The following SAFB variants were observed in gnomAD, a reference collection of about 807,000 sequenced individuals.
SAFB encodes the protein scaffold attachment factor B, also known as scaffold attachment factor B1.
In SAFB, 15 loss-of-function variants were observed where a neutral mutation model predicts 101.6. That is an observed-to-expected ratio of 0.15 (90% CI 0.10 to 0.23). The LOEUF is 0.23. Among genes scored for constraint, SAFB ranks in the 10% least tolerant of loss-of-function variants. The pLI, the probability that SAFB is intolerant of heterozygous loss-of-function variation, is 1.00. For missense variants in SAFB, 930 were observed against 1,104.1 expected, an observed-to-expected ratio of 0.84 and a Z score of 2.23; for synonymous variants, 449 against 407.5, an observed-to-expected ratio of 1.10 and a Z score of -1.23.
chr19:5,630,126 A>G (rs2053457596), intron 2 of SAFB, among the ~76,000 whole-genome samples: 1 of 152,222 alleles, frequency 6.6e-6, no homozygotes, highest in Non-Finnish European at 1.5e-5. Flanking sequence ...ACTCAACATC[A>G]AACTTACCTT....
At chr19:5,661,911 G>A in intron 15 of SAFB, 103 bp downstream of exon 15, 1 of 863,528 alleles carries the variant, frequency 1.2e-6, no homozygotes, top group South Asian at 1.8e-5. Flanking sequence ...TTGAGACGGA[G>A]TCTTGCTTTG....
At chr19:5,634,098 T>C (rs1158609756) in intron 2 of SAFB, among the ~76,000 whole-genome samples, 1 of 152,124 alleles carries the variant, frequency 6.6e-6, no homozygotes, top group Non-Finnish European at 1.5e-5. Flanking sequence ...GAAATGTACA[T>C]AACATTCTTA....
intron 2 of SAFB, among the ~76,000 whole-genome samples, chr19:5,632,282 T>TA (rs534226056): frequency 6.6e-6 from 1 of 152,324 alleles, no homozygotes; most frequent in South Asian, 2.1e-4. Flanking sequence ...GGAATTCCCA[T>TA]ATACCCTTTA....
chr19:5,644,990 C>T (rs1236717091), intron 4 of SAFB, among the ~76,000 whole-genome samples: 4 of 152,222 alleles, frequency 2.6e-5, no homozygotes, highest in Non-Finnish European at 4.4e-5. Flanking sequence ...AGCCATTGCT[C>T]CTGGAAGAAC....
At chr19:5,651,142 T>C in intron 9 of SAFB, 70 bp downstream of exon 9, 1 of 952,014 alleles carries the variant, frequency 1.1e-6, no homozygotes, top group Non-Finnish European at 1.6e-6. Context: ...ATGGAGGTCC[T>C]CTCCCCTCAG....
intron 2 of SAFB, among the ~76,000 whole-genome samples, chr19:5,634,041 A>G (rs2053545551): frequency 6.6e-6 from 1 of 152,150 alleles, no homozygotes; most frequent in Admixed American, 6.5e-5. Flanking sequence ...GGTGACAGTT[A>G]TATCATTAGT....
rs374762064 is a variant in SAFB at position 5,654,084 on chromosome 19, A to C, written c.1550A>C (p.Asp517Ala). 1 of 1,614,064 alleles carries C rather than the reference A, an allele frequency of 6.2e-7. No homozygotes were observed. The highest frequency in any genetic ancestry group is 1.3e-5 in the African/African-American group (1 of 74,932). ...SDRSTNLKRD[D>A]KCDRKDDAKK... ...AGATCTACAAACCTTAAGAGGGATG[A>C]TAAATGTGACAGAAAAGATGATGCT... Residue 517 changes from aspartate to alanine, a missense_variant, in exon 12 of 21, where the codon GAT becomes GCT. Physicochemically the swap from Asp to Ala is moderately radical, Grantham distance 126. Coordinates refer to ENST00000588852, the MANE Select transcript of SAFB (RefSeq NM_001201338.2).
At chr19:5,651,613 C>G (rs924636658) in intron 9 of SAFB, among the ~76,000 whole-genome samples, 38 of 152,190 alleles carry the variant, frequency 2.5e-4, no homozygotes, top group African/African-American at 8.7e-4. Flanking sequence ...ACCTGCCTTT[C>G]CTGAGCCCGT....
chr19:5,637,356 A>AG (rs1380247681), intron 2 of SAFB, among the ~76,000 whole-genome samples: 1 of 151,060 alleles, frequency 6.6e-6, no homozygotes, highest in African/African-American at 2.4e-5. Flanking sequence ...AAAAAAAAAA[A>AG]AAAAATTGAT....
intron 11 of SAFB, 34 bp downstream of exon 11, chr19:5,653,454 G>A (rs763091082): frequency 6.3e-7 from 1 of 1,593,584 alleles, no homozygotes; most frequent in Admixed American, 1.7e-5. Flanking sequence ...TAAAGGGGCA[G>A]GGTGTTTTTT....
At chr19:5,656,931 C>T (rs1266983630) in intron 13 of SAFB, among the ~76,000 whole-genome samples, 2 of 151,986 alleles carry the variant, frequency 1.3e-5, no homozygotes, top group Non-Finnish European at 2.9e-5. Context: ...CCACTATGCC[C>T]GGCTAATTTT....
intron 1 of SAFB, among the ~76,000 whole-genome samples, chr19:5,623,691 C>T (rs560927484): frequency 1.2e-4 from 19 of 152,178 alleles, no homozygotes; most frequent in Admixed American, 5.9e-4. Flanking sequence ...CTCGTCTCGT[C>T]CCCTCCTCCG....
chr19:5,645,278 A>G (rs555880346), intron 4 of SAFB, 59 bp from the exon 5 acceptor site: 1 of 767,174 alleles, frequency 1.3e-6, no homozygotes, highest in African/African-American at 1.7e-5. Flanking sequence ...GTACAGATGT[A>G]CCATTATGTT....
chr19:5,630,653 G>T (rs1320117504), intron 2 of SAFB, among the ~76,000 whole-genome samples: 1 of 151,690 alleles, frequency 6.6e-6, no homozygotes, highest in African/African-American at 2.4e-5. Flanking sequence ...CTACTTGAGA[G>T]GCTGAGGCAG....
At chr19:5,662,741 A>G (rs2054243366) in intron 15 of SAFB, among the ~76,000 whole-genome samples, 1 of 150,220 alleles carries the variant, frequency 6.7e-6, no homozygotes, top group African/African-American at 2.5e-5. Context: ...CCTGGGTTCA[A>G]GCGATTCTCC....
At chr19:5,639,387 C>G (rs2053657987) in intron 2 of SAFB, among the ~76,000 whole-genome samples, 1 of 152,116 alleles carries the variant, frequency 6.6e-6, no homozygotes, top group Non-Finnish European at 1.5e-5. Flanking sequence ...CAATTAATAG[C>G]TTGGCCACAT....
At position 5,633,199 on chromosome 19, in the gene SAFB, G is replaced by C. The variant is rs964944446; in HGVS notation, c.274+6710G>C. On this transcript the variant is annotated intron_variant, in intron 2 of 20. Coordinates refer to ENST00000588852, the MANE Select transcript of SAFB (RefSeq NM_001201338.2). Reference sequence around the variant, plus strand: ...TTATTACTTGGTTTACTGACATAAGGAATAGCTTGCCCTTTGCCCTCATTT... The same window carrying C: ...TTATTACTTGGTTTACTGACATAAGCAATAGCTTGCCCTTTGCCCTCATTT... 2.6e-5 allele frequency among the ~76,000 whole-genome samples: 4 copies of C among 152,134 alleles called. No individual in the cohort carries two copies. The East Asian group carries it at 5.8e-4, about 22-fold the overall frequency.
intron 6 of SAFB, chr19:5,648,451 A>C (rs2053870371): frequency 3.6e-6 from 1 of 281,624 alleles, no homozygotes; most frequent in African/African-American, 2.3e-5. Flanking sequence ...AGGGAGATAC[A>C]TTTTAAAACA....
intron 2 of SAFB, among the ~76,000 whole-genome samples, chr19:5,640,221 A>T (rs1160855292): frequency 5.9e-5 from 9 of 152,224 alleles, no homozygotes; most frequent in Non-Finnish European, 1.2e-4. Context: ...GATCAACAAC[A>T]AAAAGCAAAT....
Sources: allele counts gnomAD v4.1 joint callset (sites outside exome capture counted in the v4.1 genomes callset), GRCh38; gene constraint gnomAD v4.1.1; transcripts MANE v1.5; gene names NCBI Gene and HGNC (gene_info 2026-07-23, HGNC 2026-07-21).